Variants in CACNA1C observed in about 807,000 individuals in gnomAD.
The protein encoded by CACNA1C is calcium voltage-gated channel subunit alpha1 C.
Under a neutral mutation model 229.0 loss-of-function variants are expected in CACNA1C, and 30 were observed. The observed-to-expected ratio is 0.13, with a 90% confidence interval of 0.10 to 0.18. CACNA1C has a LOEUF of 0.18. CACNA1C is among the 10% of genes least tolerant of loss of function. CACNA1C has a pLI of 1.00. For synonymous variants in CACNA1C, 1,114 were observed against 1,132.5 expected (o/e 0.98, Z 0.33); for missense variants, 1,658 against 2,845.0 (o/e 0.58, Z 9.49).
intron 7 of CACNA1C, among the ~76,000 whole-genome samples, chr12:2,496,304 G>T (rs2099746714): frequency 6.6e-6 from 1 of 152,182 alleles, no homozygotes; most frequent in Non-Finnish European, 1.5e-5. Context: ...GGGGAAATAA[G>T]GCCTTTCACT....
intron 8 of CACNA1C, among the ~76,000 whole-genome samples, chr12:2,507,850 G>T (rs947520772): frequency 1.3e-5 from 2 of 152,216 alleles, no homozygotes; most frequent in Non-Finnish European, 2.9e-5. Flanking sequence ...GACCTCTGTG[G>T]TGTACTCTCC....
intron 1 of CACNA1C, among the ~76,000 whole-genome samples, chr12:1,987,915 T>C (rs773272527): frequency 9.2e-5 from 14 of 152,330 alleles, no homozygotes; most frequent in South Asian, 4.1e-4. Context: ...CCTCATATCA[T>C]CACCAAACTC....
chr12:2,629,152 C>T (rs912518399), intron 29 of CACNA1C, among the ~76,000 whole-genome samples: 2 of 152,164 alleles, frequency 1.3e-5, no homozygotes, highest in Non-Finnish European at 2.9e-5. Context: ...ACGGTGATGA[C>T]GAGATTCTTG....
chr12:2,426,899 G>A (rs1230051510), intron 3 of CACNA1C, among the ~76,000 whole-genome samples: 1 of 152,200 alleles, frequency 6.6e-6, no homozygotes, highest in Non-Finnish European at 1.5e-5. Context: ...AAGCTGCAAG[G>A]CTTCACGTGG....
chr12:2,383,391 A>G (rs535909393), intron 3 of CACNA1C, among the ~76,000 whole-genome samples: 9 of 152,294 alleles, frequency 5.9e-5, no homozygotes, highest in Non-Finnish European at 7.4e-5. Flanking sequence ...GTAAGAGATC[A>G]GCAACATAGC....
rs149582076 is a variant in CACNA1C, at chr12:2,627,626, C to G, written c.3829-6671C>G. Among the ~76,000 whole-genome samples the G allele has an allele frequency of 2.3e-3, 352 of 152,288 alleles. 1 individual carries two copies. Among genetic ancestry groups the G allele is most frequent in the African/African-American group, 7.8e-3 (326 of 41,566 alleles). On this transcript the variant is annotated intron_variant, in intron 29 of 46. Coordinates refer to ENST00000399655, the MANE Select transcript of CACNA1C (RefSeq NM_000719.7). ...GTGCTTGCTCACTCAAGCAGGACCTCTGCTCTCTTGCAGGGACCCCCTTCC... is the reference window on the plus strand; with the variant it reads ...GTGCTTGCTCACTCAAGCAGGACCTGTGCTCTCTTGCAGGGACCCCCTTCC...
rs773930851 is a variant in CACNA1C, at chr12:2,677,799, G to A, written c.5023G>A (p.Ala1675Thr). 8.2e-5 allele frequency: 132 copies of A among 1,613,850 alleles called. No individual in the cohort carries two copies. Among genetic ancestry groups the A allele is most frequent in the Non-Finnish European group, 9.3e-5 (110 of 1,179,876 alleles). ...IRRAISGDLT[A>T]EEELDKAMKE... Reference sequence around the variant, plus strand: ...ACGGGCCATCTCTGGAGATCTCACCGCTGAGGAGGAGCTGGACAAGGCCAT... The same window carrying A: ...ACGGGCCATCTCTGGAGATCTCACCACTGAGGAGGAGCTGGACAAGGCCAT... Residue 1675 changes from alanine (A) to threonine (T), a missense_variant, in exon 41 of 47, where the codon GCT becomes ACT. Physicochemically the swap from Ala to Thr is moderately conservative, Grantham distance 58. Coordinates refer to ENST00000399655, the MANE Select transcript of CACNA1C (RefSeq NM_000719.7). This position sits in a 1 kb window ranked among gnomAD's most constrained non-coding sequence, Gnocchi z 7.4.
At chr12:2,154,735 T>C (rs1035582887) in intron 3 of CACNA1C, among the ~76,000 whole-genome samples, 16 of 152,248 alleles carry the variant, frequency 1.1e-4, no homozygotes, top group African/African-American at 3.9e-4. Context: ...GCCTCCTTCC[T>C]TCTCTCAGCT....
intron 3 of CACNA1C, among the ~76,000 whole-genome samples, chr12:2,358,206 C>T (rs540864143): frequency 8.7e-5 from 13 of 149,174 alleles, no homozygotes; most frequent in African/African-American, 3.0e-4. Context: ...TGTGTCCACC[C>T]CAGCCCATCT....
chr12:2,044,375 C>T (rs1167026668), intron 1 of CACNA1C, among the ~76,000 whole-genome samples: 1 of 152,160 alleles, frequency 6.6e-6, no homozygotes, highest in Non-Finnish European at 1.5e-5. Context: ...AGAGTCACTA[C>T]TGAGAAGATA....
At chr12:2,434,664 A>C (rs1301616673) in intron 3 of CACNA1C, among the ~76,000 whole-genome samples, 2 of 152,190 alleles carry the variant, frequency 1.3e-5, no homozygotes, top group African/African-American at 4.8e-5. Context: ...GGCATGTCCA[A>C]GTCCCCTGGG....
intron 1 of CACNA1C, among the ~76,000 whole-genome samples, chr12:2,076,392 G>A (rs1476717822): frequency 6.6e-6 from 1 of 152,094 alleles, no homozygotes; most frequent in Non-Finnish European, 1.5e-5. Context: ...GATAAATAAA[G>A]GGGCTCGTAC....
intron 1 of CACNA1C, among the ~76,000 whole-genome samples, chr12:1,978,356 G>C (rs1214177120): frequency 1.3e-5 from 2 of 152,176 alleles, no homozygotes; most frequent in Non-Finnish European, 1.5e-5. Flanking sequence ...AAAAAGCCAA[G>C]ACGCAAAGTA....
chr12:2,441,685 A>T lies in CACNA1C; in HGVS notation c.478-7291A>T, dbSNP rs548900139. Among the ~76,000 whole-genome samples the T allele has an allele frequency of 5.3e-5, 8 of 152,348 alleles. No individual in the cohort carries two copies. The South Asian group carries it at 1.7e-3, about 32-fold the overall frequency. On this transcript the variant is annotated intron_variant, in intron 3 of 46. Transcript: ENST00000399655. ...CAAAGTTCCAAGAAAAACGAAAAAA[A>T]CACTGATCCCTCTTTTCAAATCTTA...
intron 3 of CACNA1C, among the ~76,000 whole-genome samples, chr12:2,256,864 A>G (rs1316654140): frequency 1.3e-5 from 2 of 152,252 alleles, no homozygotes; most frequent in Non-Finnish European, 2.9e-5. Context: ...TTTGGAAACC[A>G]GCATGCTACC....
intron 3 of CACNA1C, among the ~76,000 whole-genome samples, chr12:2,326,249 G>A (rs996649059): frequency 6.6e-6 from 1 of 152,316 alleles, no homozygotes; most frequent in South Asian, 2.1e-4. Context: ...GGTATAAGCT[G>A]CCCTTCATTC....
At chr12:2,314,930 A>G (rs190455195) in intron 3 of CACNA1C, among the ~76,000 whole-genome samples, 213 of 152,326 alleles carry the variant, frequency 1.4e-3, no homozygotes, top group South Asian at 8.3e-3. Flanking sequence ...AGTTTTTTCA[A>G]TGTAGAAAAT....
chr12:2,236,791 T>C (rs1436565556), intron 3 of CACNA1C, among the ~76,000 whole-genome samples: 1 of 152,136 alleles, frequency 6.6e-6, no homozygotes, highest in Non-Finnish European at 1.5e-5. Flanking sequence ...GTGAACCAAG[T>C]TCTCCTGAGA....
chr12:2,066,802 G>GT (rs1217383236), intron 1 of CACNA1C, among the ~76,000 whole-genome samples: 7 of 152,054 alleles, frequency 4.6e-5, no homozygotes, highest in Non-Finnish European at 1.0e-4. Flanking sequence ...GTCTTCAGAG[G>GT]CAGACATGCA....
Sources: allele counts gnomAD v4.1 joint callset (sites outside exome capture counted in the v4.1 genomes callset), GRCh38; gene constraint gnomAD v4.1.1; non-coding constraint Gnocchi (gnomAD v3.1); transcripts MANE v1.5; gene names NCBI Gene and HGNC (gene_info 2026-07-23, HGNC 2026-07-21).